The following ESD variants were observed in gnomAD, a reference collection of about 807,000 sequenced individuals.
The protein encoded by ESD is esterase D, also known as S-formylglutathione hydrolase.
A neutral mutation model predicts 38.1 loss-of-function variants in ESD; 34 were observed. That is an observed-to-expected ratio of 0.89 (90% confidence interval 0.68 to 1.19). The LOEUF is 1.19. Among genes scored for constraint, ESD ranks in the 50% most tolerant of loss-of-function variants. The probability of loss-of-function intolerance (pLI) is 0.00; values close to 1 mark genes in which losing one functional copy is unlikely to be tolerated. For missense variants in ESD, 334 were observed against 327.2 expected (o/e 1.02, Z -0.16); for synonymous variants, 97 against 107.0 (o/e 0.91, Z 0.58).
chr13:46,789,840 A>G (rs987583062), intron 3 of ESD, among the ~76,000 whole-genome samples: 2 of 151,686 alleles, frequency 1.3e-5, no homozygotes, highest in African/African-American at 4.8e-5. Flanking sequence ...TTTGAGACAG[A>G]GTTTCGCTCT....
intron 3 of ESD, among the ~76,000 whole-genome samples, 170 bp downstream of exon 3, chr13:46,791,176 A>T (rs190810954): frequency 2.9e-4 from 44 of 152,300 alleles, no homozygotes; most frequent in African/African-American, 1.1e-3. Context: ...AATCACATCC[A>T]CAGTTAATTA....
At chr13:46,779,907 A>G (rs1316439117) in intron 8 of ESD, 28 bp downstream of exon 8, 2 of 1,502,634 alleles carry the variant, frequency 1.3e-6, no homozygotes, top group Admixed American at 1.8e-5. Context: ...CTTAAGAATG[A>G]GTATTAAGAC....
intron 1 of ESD, among the ~76,000 whole-genome samples, chr13:46,796,036 A>ATTT (rs1566286162): frequency 7.5e-4 from 114 of 151,586 alleles, no homozygotes; most frequent in African/African-American, 2.4e-3. Flanking sequence ...AAATTTTTTA[A>ATTT]AAAAAATATA....
intron 2 of ESD, among the ~76,000 whole-genome samples, chr13:46,792,420 G>A (rs1281147063): frequency 1.3e-5 from 2 of 151,932 alleles, no homozygotes; most frequent in African/African-American, 4.8e-5. Context: ...ATCTTAAAAA[G>A]CTAATTTTGG....
intron 4 of ESD, chr13:46,785,685 T>C (rs1312906246): frequency 6.6e-6 from 1 of 152,030 alleles, no homozygotes; most frequent in Non-Finnish European, 1.5e-5. Flanking sequence ...TTCCAAGGTC[T>C]ATCTGTTCTT....
intron 3 of ESD, among the ~76,000 whole-genome samples, chr13:46,788,396 T>C (rs1278018098): frequency 6.6e-6 from 1 of 152,072 alleles, no homozygotes; most frequent in Non-Finnish European, 1.5e-5. Context: ...TTAGGGAAGC[T>C]GAAACATTTA....
chr13:46,787,113 GT>G lies in ESD; in HGVS notation c.69-5del. ...CATTTTGCAGTTTAGTTCAACACTA[GT>G]TTTAACAAAAACAACAACAAAATAT... On this transcript the variant is annotated splice_region_variant and splice_polypyrimidine_tract_variant and intron_variant, in intron 3 of 9. Transcript: ENST00000378720. 1 of 1,529,388 alleles carries G rather than the reference GT, an allele frequency of 6.5e-7. No homozygotes were observed. Among genetic ancestry groups the G allele is most frequent in the Non-Finnish European group, 8.9e-7 (1 of 1,128,432 alleles). 94.7% of individuals were successfully genotyped at this position (1,529,388 alleles called of 1,614,324 possible).
In ESD at chr13:46,791,349, T is replaced by C. The variant is rs1593411359; in HGVS notation, c.65A>G (p.Asp22Gly). ...FGGLQKVFEH[D>G]SVELNCKMKF... ...ATTATATCTTCTTAATAGTTACCTG[T>C]CATGTTCAAAAACTTTCTGCAATCC... The change falls in exon 3 of 10, where the codon GAC becomes GGC. Residue 22 changes from aspartate to glycine, a missense_variant. Physicochemically the swap from Asp to Gly is moderately conservative, Grantham distance 94. Coordinates refer to ENST00000378720, the MANE Select transcript of ESD (RefSeq NM_001984.2). The C allele has an allele frequency of 6.2e-7, 1 of 1,610,566 alleles. No homozygotes were observed. The highest frequency in any genetic ancestry group is 8.5e-7 in the Non-Finnish European group (1 of 1,177,572).
At chr13:46,785,949 T>C (rs1047271004) in intron 4 of ESD, among the ~76,000 whole-genome samples, 2 of 151,982 alleles carry the variant, frequency 1.3e-5, no homozygotes, top group Non-Finnish European at 2.9e-5. Context: ...AATACAGCTC[T>C]GGACTGTGAG....
Position 46,784,293 on chromosome 13 carries a change from G to C in ESD, c.215C>G (p.Ser72Ter). The C allele has an allele frequency of 6.2e-7, 1 of 1,611,842 alleles. No homozygotes were observed. Among genetic ancestry groups the C allele is most frequent in the Non-Finnish European group, 8.5e-7 (1 of 1,178,894 alleles). Residue 72 changes from serine to a stop codon, truncating the protein, a stop_gained, in exon 5 of 10, where the codon TCA (serine) becomes TGA (stop). Coordinates refer to ENST00000378720, the MANE Select transcript of ESD (RefSeq NM_001984.2). LOFTEE classifies it high-confidence loss of function. ...ISKSGYHQSA[S>*]EHGLVVIAPD... ...AGCAATGACAACAAGACCATGTTCT[G>C]AAGCAGACTGATGATAACCAGATTT...
upstream of ESD, among the ~76,000 whole-genome samples, chr13:46,797,399 TC>T (rs1875632983): frequency 1.3e-5 from 2 of 152,244 alleles, no homozygotes; most frequent in South Asian, 4.1e-4. Flanking sequence ...GTTAGGTTAG[TC>T]CCTGTCACCT....
At chr13:46,775,521 G>A (rs904668523) in intron 9 of ESD, 3 of 393,890 alleles carry the variant, frequency 7.6e-6, no homozygotes, top group African/African-American at 6.3e-5. Context: ...GATAAAGCAG[G>A]TGATAAAACT....
chr13:46,778,206 T>C (rs1005751097), intron 8 of ESD, among the ~76,000 whole-genome samples: 1 of 151,876 alleles, frequency 6.6e-6, no homozygotes, highest in African/African-American at 2.4e-5. Flanking sequence ...TCATCTCAAA[T>C]TTATTCTCTG....
intron 3 of ESD, among the ~76,000 whole-genome samples, chr13:46,788,673 C>CAAAAAAA (rs10599927): frequency 1.8e-4 from 15 of 82,306 alleles, no homozygotes; most frequent in Non-Finnish European, 2.5e-4. Flanking sequence ...TATGTAAAAG[C>CAAAAAAA]AAAAAAAAAA....
chr13:46,796,840 G>C (rs537821595), intron 1 of ESD, among the ~76,000 whole-genome samples: 1 of 152,384 alleles, frequency 6.6e-6, no homozygotes, highest in Admixed American at 6.5e-5. Flanking sequence ...GCGGGCAGTA[G>C]GTAAACGGGC....
chr13:46,795,741 A>T (rs764311431), intron 1 of ESD, among the ~76,000 whole-genome samples: 4 of 150,696 alleles, frequency 2.7e-5, no homozygotes, highest in Non-Finnish European at 4.4e-5. Context: ...GTGCAAACAC[A>T]GTCTTTTTTT....
intron 3 of ESD, among the ~76,000 whole-genome samples, chr13:46,787,420 T>C (rs993832855): frequency 6.6e-6 from 1 of 151,982 alleles, no homozygotes; most frequent in Non-Finnish European, 1.5e-5. Context: ...ATAGTTTTTG[T>C]TTCTAAAGAA....
chr13:46,780,086 T>A, intron 7 of ESD, 53 bp from the exon 8 acceptor site: 4 of 1,213,970 alleles, frequency 3.3e-6, no homozygotes, highest in Non-Finnish European at 4.6e-6. Flanking sequence ...AAATTAAATA[T>A]GAATAGATAT....
At chr13:46,782,822 G>C in intron 5 of ESD, 31 bp from the exon 6 acceptor site, 1 of 1,609,284 alleles carries the variant, frequency 6.2e-7, no homozygotes, top group Non-Finnish European at 8.5e-7. Flanking sequence ...GGTTTCATCT[G>C]CTCTGTAGTA....
Sources: allele counts gnomAD v4.1 joint callset (sites outside exome capture counted in the v4.1 genomes callset), GRCh38; gene constraint gnomAD v4.1.1; transcripts MANE v1.5; gene names NCBI Gene and HGNC (gene_info 2026-07-23, HGNC 2026-07-21).